Variants in PAX2 observed in about 807,000 individuals in gnomAD.
PAX2 encodes paired box protein Pax-2.
PAX2 carries 9 observed loss-of-function variants against 41.7 expected under a neutral mutation model. The observed-to-expected ratio is 0.22, with a 90% CI of 0.13 to 0.38. The LOEUF is 0.38. PAX2 is among the 10% of genes least tolerant of loss of function. The pLI, the probability that PAX2 is intolerant of heterozygous loss-of-function variation, is 1.00. For missense variants in PAX2, 418 were observed against 531.6 expected (o/e 0.79, Z 2.10); for synonymous variants, 221 against 212.7 (o/e 1.04, Z -0.34).
At chr10:100,821,907 C>T (rs550999160) in intron 7 of PAX2, among the ~76,000 whole-genome samples, 8 of 152,330 alleles carry the variant, frequency 5.3e-5, no homozygotes, top group African/African-American at 1.7e-4. Flanking sequence ...AAAACTTCTG[C>T]GTCTTCCCTA....
chr10:100,781,018 G>A (rs1589847747), intron 4 of PAX2, among the ~76,000 whole-genome samples: 1 of 152,122 alleles, frequency 6.6e-6, no homozygotes, highest in African/African-American at 2.4e-5. Flanking sequence ...GGTTAAACTG[G>A]GCACCACTTA....
chr10:100,735,608 C>T (rs1844759845), exon 1 of PAX2: 1 of 983,168 alleles, frequency 1.0e-6, no homozygotes. Flanking sequence ...GCCCAGATCT[C>T]CGGGCGGCGG....
At chr10:100,795,240 C>T (rs1454228484) in intron 5 of PAX2, among the ~76,000 whole-genome samples, 1 of 152,184 alleles carries the variant, frequency 6.6e-6, no homozygotes, top group Non-Finnish European at 1.5e-5. Flanking sequence ...CATCGATGAG[C>T]AAATTGAGTG....
intron 3 of PAX2, among the ~76,000 whole-genome samples, chr10:100,776,506 T>C (rs745334422): frequency 6.6e-6 from 1 of 152,252 alleles, no homozygotes; most frequent in Non-Finnish European, 1.5e-5. Context: ...CTGAATCCTT[T>C]GCAAGGTCAG....
intron 1 of PAX2, among the ~76,000 whole-genome samples, chr10:100,737,096 T>C (rs891329652): frequency 3.3e-5 from 5 of 152,146 alleles, no homozygotes; most frequent in Non-Finnish European, 7.4e-5. Context: ...CCCTCCTTCT[T>C]TCCCTTTCCC....
intron 5 of PAX2, among the ~76,000 whole-genome samples, chr10:100,802,720 T>C (rs780842285): frequency 2.0e-5 from 3 of 152,162 alleles, no homozygotes; most frequent in Admixed American, 6.5e-5. Context: ...CACAAGGTGC[T>C]CTTTGACTGG....
intron 5 of PAX2, among the ~76,000 whole-genome samples, chr10:100,805,479 AC>A (rs1564736546): frequency 6.6e-6 from 1 of 152,132 alleles, no homozygotes; most frequent in Non-Finnish European, 1.5e-5. Flanking sequence ...GAGAGAGGCC[AC>A]AGAGCAGGCA....
At chr10:100,784,184 T>C (rs2133903978) in intron 5 of PAX2, among the ~76,000 whole-genome samples, 1 of 152,272 alleles carries the variant, frequency 6.6e-6, no homozygotes, top group Middle Eastern at 3.4e-3. Context: ...GATAATTATG[T>C]GTCAAGATGA....
chr10:100,784,459 C>G (rs1846767842), intron 5 of PAX2, among the ~76,000 whole-genome samples: 1 of 152,202 alleles, frequency 6.6e-6, no homozygotes, highest in African/African-American at 2.4e-5. Context: ...GACTGGCCCT[C>G]CTTTGGCCCC....
At chr10:100,807,198 T>C (rs1589882320) in intron 6 of PAX2, among the ~76,000 whole-genome samples, 2 of 152,098 alleles carry the variant, frequency 1.3e-5, no homozygotes, top group African/African-American at 4.8e-5. Flanking sequence ...GCACAGCATG[T>C]AACACACCAG....
At chr10:100,799,946 C>A in intron 5 of PAX2, among the ~76,000 whole-genome samples, 1 of 151,962 alleles carries the variant, frequency 6.6e-6, no homozygotes, top group African/African-American at 2.4e-5. Context: ...CCACTACACC[C>A]AGCTAATTTT....
At chr10:100,762,175 G>A (rs993662293) in intron 3 of PAX2, among the ~76,000 whole-genome samples, 2 of 151,212 alleles carry the variant, frequency 1.3e-5, no homozygotes, top group Admixed American at 1.3e-4. Flanking sequence ...ACCAGACTAG[G>A]CAACAGAGTG....
intron 3 of PAX2, among the ~76,000 whole-genome samples, chr10:100,769,096 A>G (rs1296323556): frequency 6.6e-6 from 1 of 152,182 alleles, no homozygotes; most frequent in East Asian, 1.9e-4. Context: ...GGTTAGCCGC[A>G]TAAGTTCTAG....
Position 100,791,720 on chromosome 10 carries a change from G to A in PAX2, c.616+10355G>A, listed in dbSNP as rs1370578956. 6.6e-6 allele frequency among the ~76,000 whole-genome samples: 1 copy of A among 152,176 alleles called. No individual in the cohort carries two copies. Among genetic ancestry groups the A allele is most frequent in the East Asian group, 1.9e-4 (1 of 5,186 alleles). On this transcript the variant is annotated intron_variant, in intron 5 of 9. Coordinates refer to ENST00000355243, the MANE Select transcript of PAX2 (RefSeq NM_000278.5). The surrounding 1 kb of genome is among the most constrained non-coding windows in gnomAD (Gnocchi z 4.5). ...CCTGGGAAGCCTGGGATGGAGGGATGGGGACAGTAGGTTTGGTAGGAGTGA... is the reference window on the plus strand; with the variant it reads ...CCTGGGAAGCCTGGGATGGAGGGATAGGGACAGTAGGTTTGGTAGGAGTGA...
rs1401181533 is a variant in PAX2 at position 100,750,357 on chromosome 10, C to CA, written c.213-335dup. On this transcript the variant is annotated intron_variant, in intron 2 of 9. Coordinates refer to ENST00000355243, the MANE Select transcript of PAX2 (RefSeq NM_000278.5). This position sits in a 1 kb window ranked among gnomAD's most constrained non-coding sequence, Gnocchi z 4.1. ...TAGGAAAGGGCTCGAGGTGGTGCCTCAACCCTGGCCTCCCAGAGACCTTGC... is the reference window on the plus strand; with the variant it reads ...TAGGAAAGGGCTCGAGGTGGTGCCTCAAACCCTGGCCTCCCAGAGACCTTGC... 6.6e-6 allele frequency among the ~76,000 whole-genome samples: 1 copy of CA among 152,124 alleles called. No individual in the cohort carries two copies. Among genetic ancestry groups the CA allele is most frequent in the Non-Finnish European group, 1.5e-5 (1 of 68,006 alleles).
chr10:100,787,807 G>A (rs1660083398), intron 5 of PAX2, among the ~76,000 whole-genome samples: 1 of 152,086 alleles, frequency 6.6e-6, no homozygotes, highest in Non-Finnish European at 1.5e-5. Flanking sequence ...AAAGGTGTGA[G>A]GAGCGAGGAA....
At position 100,750,228 on chromosome 10, in the gene PAX2, T is replaced by G. The variant is rs1469052113; in HGVS notation, c.212+314T>G. On this transcript the variant is annotated intron_variant, in intron 2 of 9. Coordinates refer to ENST00000355243, the MANE Select transcript of PAX2 (RefSeq NM_000278.5). This position sits in a 1 kb window ranked among gnomAD's most constrained non-coding sequence, Gnocchi z 4.1. ...TAAGGCAGATACGGGGTGGGAGACA[T>G]TAGAGGAATGGGGGGGGAGTGAAAA... Among the ~76,000 whole-genome samples the G allele has an allele frequency of 6.8e-6, 1 of 147,522 alleles. No individual in the cohort carries two copies. The highest frequency in any genetic ancestry group is 1.5e-5 in the Non-Finnish European group (1 of 67,822).
Position 100,745,894 on chromosome 10 carries a change from C to T in PAX2, c.-367C>T. 8.5e-7 allele frequency: 1 copy of T among 1,175,432 alleles called. No homozygotes were observed. Among genetic ancestry groups the T allele is most frequent in the Non-Finnish European group, 1.1e-6 (1 of 950,328 alleles). 72.8% of individuals were successfully genotyped at this position (1,175,432 alleles called of 1,614,324 possible). A position where few individuals can be genotyped will look rare whatever the true frequency, so the allele number is the denominator to read the frequency against. On this transcript the variant is annotated 5_prime_UTR_variant, in exon 1 of 10. An upstream open reading frame in the 5' UTR gains an earlier in-frame stop. Coordinates refer to ENST00000355243, the MANE Select transcript of PAX2 (RefSeq NM_000278.5). ...CACCGCCTCTCGGATGACCAGGTTC[C>T]AGGGGAGCTGAGCGAGTCGCCTCCC...
At chr10:100,810,180 C>T (rs1267859893) in intron 7 of PAX2, among the ~76,000 whole-genome samples, 1 of 152,044 alleles carries the variant, frequency 6.6e-6, no homozygotes, top group African/African-American at 2.4e-5. Context: ...GGCCTGCGGA[C>T]CCAGCAGCAG....
Sources: allele counts gnomAD v4.1 joint callset (sites outside exome capture counted in the v4.1 genomes callset), GRCh38; gene constraint gnomAD v4.1.1; non-coding constraint Gnocchi (gnomAD v3.1); transcripts MANE v1.5; gene names NCBI Gene and HGNC (gene_info 2026-07-23, HGNC 2026-07-21).